CTDSPL2: variants seen among roughly 807,000 people sequenced by gnomAD.
CTDSPL2 encodes CTD small phosphatase-like protein 2.
A neutral mutation model predicts 60.0 loss-of-function variants in CTDSPL2; 5 were observed. The observed-to-expected ratio is 0.08, with a 90% CI of 0.04 to 0.18. The LOEUF is 0.18. CTDSPL2 is among the 10% of genes least tolerant of loss of function. CTDSPL2 has a pLI of 1.00. For synonymous variants in CTDSPL2, 186 were observed against 189.3 expected, an observed-to-expected ratio of 0.98 and a Z score of 0.14; for missense variants, 370 against 548.8, an observed-to-expected ratio of 0.67 and a Z score of 3.26.
At chr15:44,477,394 T>C (rs1176368814) in intron 2 of CTDSPL2, among the ~76,000 whole-genome samples, 1 of 151,338 alleles carries the variant, frequency 6.6e-6, no homozygotes, top group Admixed American at 6.6e-5. Flanking sequence ...TTCAATTTGC[T>C]GGACTTGGTG....
chr15:44,476,071 A>T (rs572853123), intron 2 of CTDSPL2, among the ~76,000 whole-genome samples: 4 of 151,296 alleles, frequency 2.6e-5, no homozygotes, highest in Non-Finnish European at 1.5e-5. Context: ...AAAAAGTTAC[A>T]TTTTTTTTTA....
At chr15:44,434,076 T>G (rs2079921365) in intron 1 of CTDSPL2, among the ~76,000 whole-genome samples, 1 of 151,920 alleles carries the variant, frequency 6.6e-6, no homozygotes, top group Non-Finnish European at 1.5e-5. Flanking sequence ...TCATTGTTAT[T>G]TATTTATTTA....
intron 4 of CTDSPL2, among the ~76,000 whole-genome samples, chr15:44,488,110 A>AG (rs573016936): frequency 1.5e-5 from 2 of 134,962 alleles, no homozygotes; most frequent in Non-Finnish European, 1.6e-5. Flanking sequence ...ACTCCGTCTC[A>AG]AAAAAAAAAA....
At chr15:44,431,878 C>T (rs1212012762) in intron 1 of CTDSPL2, among the ~76,000 whole-genome samples, 1 of 151,406 alleles carries the variant, frequency 6.6e-6, no homozygotes, top group Non-Finnish European at 1.5e-5. Context: ...CCACGACGGC[C>T]GGCTAACTTT....
intron 1 of CTDSPL2, among the ~76,000 whole-genome samples, chr15:44,439,706 G>C (rs2080047333): frequency 6.6e-6 from 1 of 151,908 alleles, no homozygotes; most frequent in African/African-American, 2.4e-5. Context: ...GAACTGAAAG[G>C]GTATGGTAAA....
chr15:44,521,163 G>A (rs1473496367), intron 11 of CTDSPL2, 148 bp from the exon 12 acceptor site: 1 of 476,512 alleles, frequency 2.1e-6, no homozygotes, highest in Middle Eastern at 5.8e-4. Flanking sequence ...GCACTATTGA[G>A]TTGTCAAAGA....
intron 1 of CTDSPL2, among the ~76,000 whole-genome samples, chr15:44,454,113 C>T (rs1323718144): frequency 1.3e-5 from 2 of 152,190 alleles, no homozygotes; most frequent in Admixed American, 1.3e-4. Flanking sequence ...TTAATGATCG[C>T]CATTCTAACT....
At chr15:44,463,291 G>A (rs1417380823) in intron 2 of CTDSPL2, among the ~76,000 whole-genome samples, 2 of 151,848 alleles carry the variant, frequency 1.3e-5, no homozygotes, top group Admixed American at 6.6e-5. Context: ...ACAGGCGCCT[G>A]CCACCATACC....
intron 8 of CTDSPL2, chr15:44,501,964 GT>G: frequency 4.4e-6 from 2 of 455,006 alleles, no homozygotes; most frequent in Non-Finnish European, 8.8e-6. Context: ...ACTTTCAGTG[GT>G]GTTGTCTCCA....
chr15:44,484,072 C>T (rs1485810787), intron 2 of CTDSPL2, 152 bp from the exon 3 acceptor site: 1 of 604,246 alleles, frequency 1.7e-6, no homozygotes, highest in Admixed American at 3.5e-5. Context: ...CAAATTTTTT[C>T]TGTGTTGATA....
intron 4 of CTDSPL2, among the ~76,000 whole-genome samples, chr15:44,488,562 G>A (rs1002755222): frequency 5.9e-5 from 9 of 152,060 alleles, no homozygotes; most frequent in African/African-American, 1.7e-4. Context: ...CCTGTAATCC[G>A]AGCACTTTGG....
intron 2 of CTDSPL2, among the ~76,000 whole-genome samples, chr15:44,462,025 C>T (rs2080581767): frequency 6.6e-6 from 1 of 152,182 alleles, no homozygotes; most frequent in Non-Finnish European, 1.5e-5. Context: ...TCACTGCAGC[C>T]TTGACTTCCC....
chr15:44,513,390 C>T (rs1317476250), intron 8 of CTDSPL2, among the ~76,000 whole-genome samples: 1 of 152,154 alleles, frequency 6.6e-6, no homozygotes, highest in Non-Finnish European at 1.5e-5. Context: ...TCACTTGAAC[C>T]CAGGAGGCGG....
chr15:44,490,076 T>C (rs1567089763), intron 4 of CTDSPL2, among the ~76,000 whole-genome samples: 1 of 152,166 alleles, frequency 6.6e-6, no homozygotes, highest in East Asian at 1.9e-4. Context: ...TTTTTGTTAT[T>C]TTTGTTTAAA....
At chr15:44,484,470 C>A in intron 3 of CTDSPL2, 108 bp downstream of exon 3, 1 of 1,054,344 alleles carries the variant, frequency 9.5e-7, no homozygotes, top group Non-Finnish European at 1.4e-6. Flanking sequence ...TGCAGTGGCT[C>A]ATGCCTGTAA....
chr15:44,457,895 A>G (rs1414047566), intron 1 of CTDSPL2, among the ~76,000 whole-genome samples: 2 of 152,220 alleles, frequency 1.3e-5, no homozygotes, highest in Admixed American at 1.3e-4. Context: ...TACAGGTGTG[A>G]GCCACTGCGT....
intron 10 of CTDSPL2, 44 bp downstream of exon 10, chr15:44,514,888 C>G (rs967977931): frequency 8.1e-6 from 9 of 1,114,000 alleles, no homozygotes; most frequent in Non-Finnish European, 1.2e-5. Flanking sequence ...TCACACTGAT[C>G]TATGAAATTA....
chr15:44,512,974 G>A (rs8025876), intron 8 of CTDSPL2, among the ~76,000 whole-genome samples: 15,011 of 151,028 alleles, frequency 0.099, 1,531 homozygotes, highest in African/African-American at 0.24. Context: ...CCGGAGGCTG[G>A]GGTAGGAGAA....
intron 4 of CTDSPL2, among the ~76,000 whole-genome samples, chr15:44,488,177 G>C (rs1352865050): frequency 6.6e-6 from 1 of 151,964 alleles, no homozygotes; most frequent in Admixed American, 6.6e-5. Flanking sequence ...GGCCTGAAAG[G>C]TTTTAAACTG....
Sources: gnomAD v4.1 joint callset for allele counts (sites outside exome capture counted in the v4.1 genomes callset) on GRCh38, gnomAD v4.1.1 for gene constraint, MANE v1.5 for transcripts, NCBI Gene and HGNC (gene_info 2026-07-23, HGNC 2026-07-21) for gene names.